Variants in CFDP1 observed in about 807,000 individuals in gnomAD.
CFDP1 encodes chromatin remodeling protein CFDP1.
CFDP1 carries 31 observed loss-of-function variants against 40.1 expected under a neutral mutation model. The observed-to-expected ratio is 0.77, with a 90% CI of 0.58 to 1.04. The LOEUF (loss-of-function observed/expected upper bound fraction) is 1.04, where lower values mean the gene tolerates loss of function less well. CFDP1 is among the 50% of genes least tolerant of loss of function. CFDP1 has a pLI of 0.00. For synonymous variants in CFDP1, 167 were observed against 120.0 expected, an observed-to-expected ratio of 1.39 and a Z score of -2.56; for missense variants, 423 against 343.4, an observed-to-expected ratio of 1.23 and a Z score of -1.83.
intron 5 of CFDP1, among the ~76,000 whole-genome samples, chr16:75,333,675 G>T (rs143399998): frequency 1.3e-5 from 2 of 152,250 alleles, no homozygotes; most frequent in Non-Finnish European, 2.9e-5. Context: ...ATGCTGTTCT[G>T]CTGAGCCAAC....
intron 5 of CFDP1, among the ~76,000 whole-genome samples, chr16:75,328,259 T>C (rs1029849619): frequency 5.3e-5 from 8 of 150,356 alleles, no homozygotes; most frequent in Non-Finnish European, 8.9e-5. Context: ...ACTGGGATTA[T>C]AGGCGTGAGC....
At chr16:75,317,526 C>T (rs2151507681) in intron 5 of CFDP1, among the ~76,000 whole-genome samples, 1 of 152,272 alleles carries the variant, frequency 6.6e-6, no homozygotes, top group African/African-American at 2.4e-5. Context: ...AGATGCTTTG[C>T]CCCTGAGGTG....
intron 5 of CFDP1, among the ~76,000 whole-genome samples, chr16:75,362,714 T>C (rs1215460523): frequency 6.6e-6 from 1 of 152,138 alleles, no homozygotes; most frequent in African/African-American, 2.4e-5. Flanking sequence ...GGGAAAAGAA[T>C]TGCTTTTCAA....
chr16:75,362,977 T>C (rs2078689804), intron 5 of CFDP1: 1 of 152,138 alleles, frequency 6.6e-6, no homozygotes, highest in African/African-American at 2.4e-5. Context: ...AGCAAACTGT[T>C]GGCTCTGAAA....
At chr16:75,395,461 C>T (rs2078988573) in intron 4 of CFDP1, among the ~76,000 whole-genome samples, 1 of 152,038 alleles carries the variant, frequency 6.6e-6, no homozygotes, top group Non-Finnish European at 1.5e-5. Flanking sequence ...GAGATCGAAA[C>T]TATCCTGGCC....
chr16:75,370,324 C>T (rs970151339), intron 5 of CFDP1, among the ~76,000 whole-genome samples: 1 of 151,956 alleles, frequency 6.6e-6, no homozygotes, highest in African/African-American at 2.4e-5. Flanking sequence ...AACTCCTGAC[C>T]TCAGGTGATC....
intron 5 of CFDP1, among the ~76,000 whole-genome samples, chr16:75,354,163 GTGT>G (rs2078631069): frequency 1.3e-5 from 2 of 152,230 alleles, no homozygotes. Context: ...GCTAAGGTAA[GTGT>G]TGTGAGCACA....
intron 5 of CFDP1, among the ~76,000 whole-genome samples, chr16:75,387,416 C>A (rs970454564): frequency 5.9e-5 from 9 of 152,208 alleles, no homozygotes; most frequent in Non-Finnish European, 2.9e-5. Flanking sequence ...GCTGGGATTA[C>A]AGGCGTGAGC....
intron 5 of CFDP1, among the ~76,000 whole-genome samples, chr16:75,389,269 G>A (rs1260719499): frequency 1.3e-5 from 2 of 152,134 alleles, no homozygotes; most frequent in African/African-American, 2.4e-5. Flanking sequence ...GGGAAGAGGC[G>A]GATCAAGAGC....
intron 1 of CFDP1, among the ~76,000 whole-genome samples, chr16:75,424,268 T>C (rs918276753): frequency 6.6e-6 from 1 of 152,236 alleles, no homozygotes; most frequent in African/African-American, 2.4e-5. Flanking sequence ...TTAGACTTTG[T>C]GCCTCAGTTT....
chr16:75,406,341 C>T (rs1788034453), intron 4 of CFDP1, among the ~76,000 whole-genome samples: 1 of 152,118 alleles, frequency 6.6e-6, no homozygotes, highest in East Asian at 1.9e-4. Context: ...GGAGCCACTA[C>T]ACTCCAGCCT....
At chr16:75,323,433 C>CTT (rs398058379) in intron 5 of CFDP1, among the ~76,000 whole-genome samples, 189 of 142,276 alleles carry the variant, frequency 1.3e-3, no homozygotes, top group South Asian at 3.1e-3. Context: ...TTTTACTTAA[C>CTT]TTTTTTTTTT....
At chr16:75,386,422 T>C (rs986121507) in intron 5 of CFDP1, among the ~76,000 whole-genome samples, 7 of 152,108 alleles carry the variant, frequency 4.6e-5, no homozygotes, top group Non-Finnish European at 7.4e-5. Context: ...ATGAAAAAAG[T>C]TTTTGCTTTG....
At chr16:75,415,590 G>T (rs1476911730) in intron 1 of CFDP1, among the ~76,000 whole-genome samples, 1 of 152,148 alleles carries the variant, frequency 6.6e-6, no homozygotes, top group Non-Finnish European at 1.5e-5. Context: ...AGTTTTGCCT[G>T]CTTTTCAACT....
intron 5 of CFDP1, among the ~76,000 whole-genome samples, chr16:75,367,327 T>A (rs1258352606): frequency 6.6e-6 from 1 of 150,860 alleles, no homozygotes; most frequent in Non-Finnish European, 1.5e-5. Flanking sequence ...GCGTGCTGGG[T>A]TTAATACCTA....
rs778426797 is a variant in CFDP1 at position 75,433,294 on chromosome 16, G to C, written c.59C>G (p.Pro20Arg). 11 of 1,599,594 alleles carry C rather than the reference G, an allele frequency of 6.9e-6. No homozygotes were observed. The highest frequency in any genetic ancestry group is 1.3e-5 in the African/African-American group (1 of 74,752). ...STSEEDEDYV[P>R]SGGEYSEDDV... ...CCTCAGGCGGAATCGCTCACCCGACGGCACGTAGTCCTCGTCCTCCTCCGA... is the reference window on the plus strand; with the variant it reads ...CCTCAGGCGGAATCGCTCACCCGACCGCACGTAGTCCTCGTCCTCCTCCGA... The change falls in exon 1 of 7, where the codon CCG (proline) becomes CGG (arginine). Residue 20 changes from proline (P) to arginine (R), a missense_variant. Coordinates refer to ENST00000283882, the MANE Select transcript of CFDP1 (RefSeq NM_006324.3).
intron 1 of CFDP1, among the ~76,000 whole-genome samples, 199 bp from the exon 2 acceptor site, chr16:75,414,894 C>T (rs971774313): frequency 3.9e-5 from 6 of 152,270 alleles, no homozygotes; most frequent in African/African-American, 1.4e-4. Context: ...GTTCTTCTAT[C>T]GTAGGCTTCC....
chr16:75,380,306 A>G (rs1276094451), intron 5 of CFDP1, among the ~76,000 whole-genome samples: 2 of 152,208 alleles, frequency 1.3e-5, no homozygotes, highest in Admixed American at 6.5e-5. Flanking sequence ...AGCTAAACTC[A>G]TAAGAAAGAA....
At chr16:75,379,487 A>C (rs982908433) in intron 5 of CFDP1, among the ~76,000 whole-genome samples, 4 of 152,228 alleles carry the variant, frequency 2.6e-5, no homozygotes, top group Admixed American at 1.3e-4. Flanking sequence ...CTCAAAAAAG[A>C]CAAACCACAA....
Sources: gnomAD v4.1 joint callset for allele counts (sites outside exome capture counted in the v4.1 genomes callset) on GRCh38, gnomAD v4.1.1 for gene constraint, MANE v1.5 for transcripts, NCBI Gene and HGNC (gene_info 2026-07-23, HGNC 2026-07-21) for gene names.